The following ZNF670 variants were observed in gnomAD, a reference collection of about 807,000 sequenced individuals.
The protein encoded by ZNF670 is zinc finger protein 670.
In ZNF670, 7 loss-of-function variants were observed where a neutral mutation model predicts 10.9. The ratio of observed to expected loss-of-function variants is 0.64; its 90% CI spans 0.36 to 1.20. The LOEUF is 1.20. Ranked by LOEUF, ZNF670 falls within the 50% of genes most tolerant of loss-of-function variation. ZNF670 has a pLI of 0.02. For missense variants in ZNF670, 446 were observed against 458.6 expected (o/e 0.97, Z 0.25); for synonymous variants, 136 against 152.7 (o/e 0.89, Z 0.81).
In ZNF670 at chr1:247,078,797, G is replaced by A. The variant is rs1343076110; in HGVS notation, c.-201C>T. On this transcript the variant is annotated 5_prime_UTR_variant, in exon 1 of 4. Transcript: ENST00000366503. Reference sequence around the variant, plus strand: ...CCCGGAAGCTGCTCCCTCCTTTCGCGGCGCGCTTGAGAGTACAGTCCCCTT... The same window carrying A: ...CCCGGAAGCTGCTCCCTCCTTTCGCAGCGCGCTTGAGAGTACAGTCCCCTT... The A allele has an allele frequency of 5.0e-6, 3 of 600,200 alleles. No homozygotes were observed. Among genetic ancestry groups the A allele is most frequent in the Non-Finnish European group, 8.8e-6 (3 of 340,868 alleles). The allele number at this position is 600,200 out of a possible 1,614,324, so 37.2% of individuals were successfully genotyped here. A position where few individuals can be genotyped will look rare whatever the true frequency, so the allele number is the denominator to read the frequency against.
In ZNF670 at chr1:247,036,130, A is replaced by G. The variant is rs962160461; in HGVS notation, c.*1319T>C. Reference sequence around the variant, plus strand: ...CCAGTTAACGTAATAGACTATCAGTAGAATGCCAAAAACCACAAATCATCT... The same window carrying G: ...CCAGTTAACGTAATAGACTATCAGTGGAATGCCAAAAACCACAAATCATCT... On this transcript the variant is annotated 3_prime_UTR_variant, in exon 4 of 4. Coordinates refer to ENST00000366503, the MANE Select transcript of ZNF670 (RefSeq NM_033213.5). Among the ~76,000 whole-genome samples the G allele has an allele frequency of 1.3e-5, 2 of 152,238 alleles. No homozygotes were observed. The highest frequency in any genetic ancestry group is 6.5e-5 in the Admixed American group (1 of 15,274).
At chr1:247,056,869 TA>T (rs1419332912) in intron 1 of ZNF670, among the ~76,000 whole-genome samples, 2 of 152,198 alleles carry the variant, frequency 1.3e-5, no homozygotes, top group Non-Finnish European at 2.9e-5. Flanking sequence ...AAAACTTAAA[TA>T]TAAGTTCTCA....
intron 1 of ZNF670, among the ~76,000 whole-genome samples, chr1:247,065,445 T>C (rs1285650677): frequency 4.8e-5 from 7 of 145,752 alleles, no homozygotes; most frequent in Admixed American, 2.0e-4. Flanking sequence ...AGTTTTCTTA[T>C]GTGAAAAAAT....
intron 1 of ZNF670, among the ~76,000 whole-genome samples, chr1:247,061,247 T>C (rs2103065764): frequency 6.6e-6 from 1 of 151,052 alleles, no homozygotes; most frequent in Admixed American, 6.6e-5. Context: ...AGAGGCGCGA[T>C]CTTGGCTCAA....
chr1:247,043,970 G>T, intron 1 of ZNF670: 1 of 188,728 alleles, frequency 5.3e-6, no homozygotes, highest in East Asian at 1.7e-4. Flanking sequence ...TTGAAAACCT[G>T]GGTAAACACC....
intron 1 of ZNF670, among the ~76,000 whole-genome samples, chr1:247,072,324 T>G (rs1392991288): frequency 1.3e-5 from 2 of 151,046 alleles, no homozygotes; most frequent in Non-Finnish European, 3.0e-5. Context: ...TTTTGTTTTT[T>G]TTTTTTTTAA....
intron 1 of ZNF670, among the ~76,000 whole-genome samples, chr1:247,069,423 A>G (rs764629985): frequency 3.3e-5 from 5 of 150,244 alleles, no homozygotes; most frequent in Non-Finnish European, 7.4e-5. Context: ...ACTACTATGG[A>G]GAACAGTTTG....
At position 247,078,786 on chromosome 1, in the gene ZNF670, C is replaced by T. The variant is rs1459695833; in HGVS notation, c.-190G>A. On this transcript the variant is annotated 5_prime_UTR_variant, in exon 1 of 4. Transcript: ENST00000366503. ...CCGCGCCAGGTCCCGGAAGCTGCTC[C>T]CTCCTTTCGCGGCGCGCTTGAGAGT... 2 of 618,716 alleles carry T rather than the reference C, an allele frequency of 3.2e-6. No individual in the cohort carries two copies. The highest frequency in any genetic ancestry group is 5.6e-6 in the Non-Finnish European group (2 of 355,228). The allele number at this position is 618,716 out of a possible 1,614,324, so 38.3% of individuals were successfully genotyped here.
At chr1:247,075,723 C>G (rs1164047260) in intron 1 of ZNF670, among the ~76,000 whole-genome samples, 2 of 152,242 alleles carry the variant, frequency 1.3e-5, no homozygotes, top group African/African-American at 4.8e-5. Context: ...CTTCCCCAGC[C>G]ATGTGGAAAT....
intron 1 of ZNF670, among the ~76,000 whole-genome samples, chr1:247,066,276 C>T (rs1670978793): frequency 6.6e-6 from 1 of 152,092 alleles, no homozygotes; most frequent in East Asian, 1.9e-4. Flanking sequence ...AGGACCAGGA[C>T]TCATTTCTGG....
chr1:247,043,404 G>GA (rs943225137), intron 1 of ZNF670: 49 of 553,188 alleles, frequency 8.9e-5, no homozygotes, highest in Non-Finnish European at 1.5e-4. Flanking sequence ...TCACCTAACT[G>GA]AAAAAATTCA....
At chr1:247,060,743 GAAT>G in intron 1 of ZNF670, among the ~76,000 whole-genome samples, 1 of 151,990 alleles carries the variant, frequency 6.6e-6, no homozygotes, top group Non-Finnish European at 1.5e-5. Flanking sequence ...ATTACACACA[GAAT>G]AAAATTTTCA....
At chr1:247,064,000 C>T (rs1558345073) in intron 1 of ZNF670, among the ~76,000 whole-genome samples, 2 of 152,224 alleles carry the variant, frequency 1.3e-5, no homozygotes, top group Admixed American at 6.5e-5. Context: ...CACTGGGTCA[C>T]AGACTCTGTA....
At chr1:247,053,290 T>C (rs1286837739) in intron 1 of ZNF670, among the ~76,000 whole-genome samples, 1 of 152,154 alleles carries the variant, frequency 6.6e-6, no homozygotes, top group Non-Finnish European at 1.5e-5. Flanking sequence ...CACTTCCCTT[T>C]CATCGACCCC....
Position 247,037,982 on chromosome 1 carries a change from G to A in ZNF670, c.637C>T (p.Arg213Cys), listed in dbSNP as rs76880556. 354 of 1,613,280 alleles carry A rather than the reference G, an allele frequency of 2.2e-4. 1 individual carries two copies. In the African/African-American group the frequency reaches 3.6e-3, roughly 16 times the overall value. The change falls in exon 4 of 4, where the codon CGT becomes TGT. Residue 213 changes from arginine to cysteine, a missense_variant. Transcript: ENST00000366503. ...CCAGTATGAGTTCTTTCATGTTCAC[G>A]AAGATAACTTGAATAATTGAAGGCT... ...DKAFNYSSYL[R>C]EHERTHTGEK...
chr1:247,077,715 G>A (rs756104377), intron 1 of ZNF670, among the ~76,000 whole-genome samples: 38 of 152,240 alleles, frequency 2.5e-4, no homozygotes, highest in Non-Finnish European at 5.1e-4. Context: ...GAAATTTAGG[G>A]TTTTACTACA....
chr1:247,037,907 T>G lies in ZNF670; in HGVS notation c.712A>C (p.Ser238Arg). The G allele has an allele frequency of 6.2e-7, 1 of 1,614,030 alleles. No individual in the cohort carries two copies. Among genetic ancestry groups the G allele is most frequent in the Non-Finnish European group, 8.5e-7 (1 of 1,179,966 alleles). Reference protein sequence around the residue: ...KKCGKSFTFSSSLRQHERSHT... With the variant: ...KKCGKSFTFSRSLRQHERSHT... ...GATCTTTCATGTTGGCGAAGAGAAC[T>G]GGAAAAAGTGAATGATTTACCACAT... The change falls in exon 4 of 4, where the codon AGT becomes CGT. Residue 238 changes from serine to arginine, a missense_variant. Physicochemically the swap from Ser to Arg is moderately radical, Grantham distance 110. Coordinates refer to ENST00000366503, the MANE Select transcript of ZNF670 (RefSeq NM_033213.5).
chr1:247,071,127 T>C (rs1179967384), intron 1 of ZNF670, among the ~76,000 whole-genome samples: 3 of 152,150 alleles, frequency 2.0e-5, no homozygotes, highest in Admixed American at 2.0e-4. Flanking sequence ...GGTATATATA[T>C]CCAAGGGAAT....
At chr1:247,042,845 A>G in intron 1 of ZNF670, 1 of 574,750 alleles carries the variant, frequency 1.7e-6, no homozygotes, top group South Asian at 1.8e-5. Context: ...TTATTACCAG[A>G]GGCTCTTTCC....
Sources: gnomAD v4.1 joint callset for allele counts (sites outside exome capture counted in the v4.1 genomes callset) on GRCh38, gnomAD v4.1.1 for gene constraint, MANE v1.5 for transcripts, NCBI Gene and HGNC (gene_info 2026-07-23, HGNC 2026-07-21) for gene names.